The following KIF13B variants were observed in gnomAD, a reference collection of about 807,000 sequenced individuals.
The protein encoded by KIF13B is kinesin family member 13B.
A neutral mutation model predicts 222.0 loss-of-function variants in KIF13B; 127 were observed. That is an observed-to-expected ratio of 0.57 (90% CI 0.50 to 0.66). The LOEUF is 0.66. Among genes scored for constraint, KIF13B ranks in the 30% least tolerant of loss-of-function variants. The pLI, the probability that KIF13B is intolerant of heterozygous loss-of-function variation, is 0.00. For synonymous variants in KIF13B, 976 were observed against 919.0 expected, an observed-to-expected ratio of 1.06 and a Z score of -1.12; for missense variants, 2,173 against 2,379.0, an observed-to-expected ratio of 0.91 and a Z score of 1.80.
At chr8:29,181,472 G>A (rs770002133) in intron 7 of KIF13B, among the ~76,000 whole-genome samples, 2 of 152,098 alleles carry the variant, frequency 1.3e-5, no homozygotes, top group Non-Finnish European at 2.9e-5. Context: ...AATGTTAGGT[G>A]CAACTGAACA....
intron 12 of KIF13B, among the ~76,000 whole-genome samples, chr8:29,161,202 C>G (rs563575249): frequency 6.6e-6 from 1 of 152,138 alleles, no homozygotes; most frequent in Admixed American, 6.5e-5. Flanking sequence ...CTTTCCTCAA[C>G]CGGGATCCTT....
chr8:29,107,973 T>C (rs934799160), intron 35 of KIF13B, among the ~76,000 whole-genome samples, 166 bp downstream of exon 35: 6 of 152,342 alleles, frequency 3.9e-5, no homozygotes, highest in Admixed American at 1.3e-4. Context: ...TTATTTTAAT[T>C]GGCAAATTAA....
At chr8:29,103,367 C>T (rs1048191327) in intron 35 of KIF13B, among the ~76,000 whole-genome samples, 1 of 152,092 alleles carries the variant, frequency 6.6e-6, no homozygotes, top group African/African-American at 2.4e-5. Flanking sequence ...ACCAACGACA[C>T]GCCGAAATTC....
intron 2 of KIF13B, among the ~76,000 whole-genome samples, chr8:29,201,824 C>T (rs1586919113): frequency 1.3e-5 from 2 of 152,334 alleles, no homozygotes; most frequent in Middle Eastern, 6.8e-3. Context: ...AACCAAACAA[C>T]AATCTGTGTG....
intron 1 of KIF13B, among the ~76,000 whole-genome samples, chr8:29,261,092 T>C (rs1816662497): frequency 6.6e-6 from 1 of 152,172 alleles, no homozygotes; most frequent in Non-Finnish European, 1.5e-5. Context: ...GAAGTCCACA[T>C]GCACGTCAGG....
At chr8:29,172,576 G>T (rs1812293777) in intron 10 of KIF13B, among the ~76,000 whole-genome samples, 1 of 152,074 alleles carries the variant, frequency 6.6e-6, no homozygotes, top group African/African-American at 2.4e-5. Context: ...TTCTATCAAG[G>T]ACTGGTAATA....
chr8:29,236,133 CTT>C (rs1191994952), intron 2 of KIF13B, among the ~76,000 whole-genome samples: 1 of 152,138 alleles, frequency 6.6e-6, no homozygotes. Context: ...GAAAAAAAGA[CTT>C]GATGAGATAA....
chr8:29,188,444 AGTAAAATAAACATG>A, intron 5 of KIF13B, 57 bp downstream of exon 5: 1 of 945,228 alleles, frequency 1.1e-6, no homozygotes, highest in Non-Finnish European at 1.6e-6. Flanking sequence ...AATGTTACTC[AGTAAAATAAACATG>A]GTTCTATTTT....
intron 1 of KIF13B, among the ~76,000 whole-genome samples, chr8:29,259,567 CTCAA>C (rs1247302142): frequency 1.3e-5 from 2 of 152,224 alleles, no homozygotes; most frequent in African/African-American, 4.8e-5. Flanking sequence ...CTGGCAGGCA[CTCAA>C]TCAATGTTTG....
intron 36 of KIF13B, among the ~76,000 whole-genome samples, chr8:29,096,622 A>G (rs1230216035): frequency 6.6e-6 from 1 of 152,032 alleles, no homozygotes; most frequent in African/African-American, 2.4e-5. Context: ...ATAACGTCAT[A>G]AAGTGAGGTT....
chr8:29,222,973 A>G (rs922828584), intron 2 of KIF13B, among the ~76,000 whole-genome samples: 7 of 152,108 alleles, frequency 4.6e-5, no homozygotes, highest in Non-Finnish European at 7.3e-5. Context: ...AATTTGACAT[A>G]TAATCTAGAA....
chr8:29,116,400 C>T (rs1056994788), intron 31 of KIF13B, among the ~76,000 whole-genome samples: 2 of 151,978 alleles, frequency 1.3e-5, no homozygotes, highest in Non-Finnish European at 2.9e-5. Context: ...GCCCAGGAGA[C>T]GATGGCTGCA....
At chr8:29,085,406 T>A (rs974184431) in intron 37 of KIF13B, among the ~76,000 whole-genome samples, 24 of 152,234 alleles carry the variant, frequency 1.6e-4, no homozygotes, top group African/African-American at 5.3e-4. Flanking sequence ...TAACAAAATA[T>A]AAGGAATGAC....
intron 1 of KIF13B, among the ~76,000 whole-genome samples, chr8:29,261,175 T>C (rs1038332488): frequency 6.6e-6 from 1 of 152,208 alleles, no homozygotes; most frequent in Non-Finnish European, 1.5e-5. Context: ...CTTCTCTATA[T>C]AGGCTAATGG....
At chr8:29,205,306 G>C (rs1271758562) in intron 2 of KIF13B, among the ~76,000 whole-genome samples, 1 of 152,164 alleles carries the variant, frequency 6.6e-6, no homozygotes, top group Admixed American at 6.5e-5. Flanking sequence ...AAATTCTCTT[G>C]AAAATTCAGA....
chr8:29,200,532 A>C (rs1269476489), intron 2 of KIF13B, among the ~76,000 whole-genome samples: 2 of 152,214 alleles, frequency 1.3e-5, no homozygotes, highest in Non-Finnish European at 2.9e-5. Context: ...AATCCTGTAC[A>C]CCCTTCTCCA....
chr8:29,248,555 T>C (rs913791112), intron 1 of KIF13B, among the ~76,000 whole-genome samples: 1 of 152,104 alleles, frequency 6.6e-6, no homozygotes, highest in African/African-American at 2.4e-5. Flanking sequence ...GGTTTCCCCT[T>C]ATAAAACCAG....
At chr8:29,190,453 C>T (rs1378000749) in intron 4 of KIF13B, 1 of 153,444 alleles carries the variant, frequency 6.5e-6, no homozygotes, top group African/African-American at 2.4e-5. Context: ...GCGCCACCTC[C>T]ATGAGGACAG....
chr8:29,170,364 CA>C (rs1812185352), intron 10 of KIF13B, among the ~76,000 whole-genome samples: 3 of 152,320 alleles, frequency 2.0e-5, no homozygotes, highest in African/African-American at 7.2e-5. Flanking sequence ...TGATTCAGAA[CA>C]GAGCTGAAAT....
Sources: allele counts gnomAD v4.1 joint callset (sites outside exome capture counted in the v4.1 genomes callset), GRCh38; gene constraint gnomAD v4.1.1; transcripts MANE v1.5; gene names NCBI Gene and HGNC (gene_info 2026-07-23, HGNC 2026-07-21).